Variants in ARHGAP15 observed in about 807,000 individuals in gnomAD.
The protein encoded by ARHGAP15 is rho GTPase-activating protein 15.
Under a neutral mutation model 63.7 loss-of-function variants are expected in ARHGAP15, and 51 were observed. The observed-to-expected ratio is 0.80, with a 90% confidence interval of 0.64 to 1.01. ARHGAP15 has a LOEUF of 1.01. Ranked by LOEUF, ARHGAP15 falls within the 50% of genes least tolerant of loss-of-function variation. The pLI is 0.00. For synonymous variants in ARHGAP15, 191 were observed against 193.8 expected, an observed-to-expected ratio of 0.99 and a Z score of 0.12; for missense variants, 560 against 564.6, an observed-to-expected ratio of 0.99 and a Z score of 0.08.
intron 8 of ARHGAP15, among the ~76,000 whole-genome samples, chr2:143,445,597 T>G (rs184030185): frequency 9.9e-5 from 15 of 152,270 alleles, no homozygotes; most frequent in Admixed American, 9.8e-4. Context: ...CCATAATTTA[T>G]GTTCCAGGTA....
chr2:143,570,423 A>C (rs1696405035), intron 11 of ARHGAP15, among the ~76,000 whole-genome samples: 1 of 152,226 alleles, frequency 6.6e-6, no homozygotes, highest in Admixed American at 6.5e-5. Flanking sequence ...TTATCTACTC[A>C]ACACACTAAA....
chr2:143,512,337 G>A (rs1316619979), intron 9 of ARHGAP15, among the ~76,000 whole-genome samples: 2 of 152,152 alleles, frequency 1.3e-5, no homozygotes, highest in Non-Finnish European at 2.9e-5. Context: ...AATTACTGTG[G>A]CCAAGAAGAT....
In ARHGAP15 at chr2:143,709,301, G is replaced by A. The variant is rs1574870340; in HGVS notation, c.1244+5777G>A. ...GAACTTTTATGTACACATTATGCAT[G>A]CACACATTACTCAGAGAAAATAAAA... On this transcript the variant is annotated intron_variant, in intron 13 of 13. Transcript: ENST00000295095. Among the ~76,000 whole-genome samples the A allele has an allele frequency of 2.6e-5, 4 of 152,278 alleles. No individual in the cohort carries two copies. The South Asian group carries it at 8.3e-4, about 32-fold the overall frequency.
intron 11 of ARHGAP15, among the ~76,000 whole-genome samples, chr2:143,579,108 G>T (rs1446207000): frequency 6.6e-6 from 1 of 152,092 alleles, no homozygotes; most frequent in Non-Finnish European, 1.5e-5. Context: ...TAAGGCAAAT[G>T]CTGTAAGATG....
chr2:143,637,622 G>A (rs542537048), intron 12 of ARHGAP15, among the ~76,000 whole-genome samples: 15 of 151,748 alleles, frequency 9.9e-5, no homozygotes, highest in South Asian at 2.1e-4. Context: ...CCATATTTAC[G>A]TCCTCAAATA....
intron 6 of ARHGAP15, among the ~76,000 whole-genome samples, chr2:143,269,259 T>A (rs1681151433): frequency 6.6e-6 from 1 of 152,102 alleles, no homozygotes; most frequent in South Asian, 2.1e-4. Flanking sequence ...AGATATAGAT[T>A]TAGGGATTTT....
At chr2:143,638,717 A>G (rs1680465061) in intron 12 of ARHGAP15, among the ~76,000 whole-genome samples, 1 of 150,646 alleles carries the variant, frequency 6.6e-6, no homozygotes, top group Admixed American at 6.6e-5. Flanking sequence ...GAGAAGAGAC[A>G]TTCCAAATTT....
At chr2:143,357,995 C>A (rs1175193754) in intron 6 of ARHGAP15, among the ~76,000 whole-genome samples, 1 of 152,106 alleles carries the variant, frequency 6.6e-6, no homozygotes, top group Non-Finnish European at 1.5e-5. Flanking sequence ...ATTTTGTTTT[C>A]ATTTTGGTAT....
chr2:143,512,950 G>A (rs544366651), intron 9 of ARHGAP15, among the ~76,000 whole-genome samples: 1 of 152,222 alleles, frequency 6.6e-6, no homozygotes, highest in Non-Finnish European at 1.5e-5. Context: ...AACCACCTCA[G>A]TCTCTCAGTA....
chr2:143,537,138 G>A (rs1285408368), intron 10 of ARHGAP15, among the ~76,000 whole-genome samples: 3 of 152,174 alleles, frequency 2.0e-5, no homozygotes, highest in Non-Finnish European at 4.4e-5. Flanking sequence ...GTGATGATGA[G>A]CATTTTTTCA....
chr2:143,619,123 C>T (rs545902350), intron 11 of ARHGAP15, among the ~76,000 whole-genome samples: 10 of 152,098 alleles, frequency 6.6e-5, no homozygotes, highest in South Asian at 4.1e-4. Flanking sequence ...AGTAATTAAA[C>T]TCTTAATGAT....
chr2:143,261,658 G>A (rs902474509), intron 6 of ARHGAP15, among the ~76,000 whole-genome samples: 28 of 151,858 alleles, frequency 1.8e-4, no homozygotes, highest in African/African-American at 3.4e-4. Context: ...GACCCTTTTC[G>A]TTCATAGGAA....
At chr2:143,447,340 T>C (rs1035055192) in intron 8 of ARHGAP15, among the ~76,000 whole-genome samples, 1 of 152,208 alleles carries the variant, frequency 6.6e-6, no homozygotes, top group African/African-American at 2.4e-5. Context: ...CATCTGGTGA[T>C]AAAAAGATGG....
chr2:143,644,493 T>A (rs1680771309), intron 12 of ARHGAP15, among the ~76,000 whole-genome samples: 1 of 152,082 alleles, frequency 6.6e-6, no homozygotes, highest in Non-Finnish European at 1.5e-5. Context: ...GAGAACTTCC[T>A]GCTTCTGAGG....
intron 6 of ARHGAP15, among the ~76,000 whole-genome samples, chr2:143,271,977 T>G (rs1476779351): frequency 6.6e-6 from 1 of 152,252 alleles, no homozygotes; most frequent in East Asian, 1.9e-4. Context: ...TGTAGTTCTT[T>G]TTTTACTTGG....
Position 143,330,133 on chromosome 2 carries a change from C to CAAAAAAAAAAAAAAAAAAAAAAAA in ARHGAP15, c.474+79538_474+79539insAAAAAAAAAAAAAAAAAAAAAAAA, listed in dbSNP as rs1558898102. On this transcript the variant is annotated intron_variant, in intron 6 of 13. Transcript: ENST00000295095. The stretch of plus-strand genomic sequence containing the variant: ...AAAAAAAAAAAAAAAAAAAAAAAAC[C>CAAAAAAAAAAAAAAAAAAAAAAAA]AAAAACAAAAAACTAAACTAATGAT... 2.6e-3 allele frequency among the ~76,000 whole-genome samples: 97 copies of CAAAAAAAAAAAAAAAAAAAAAAAA among 37,342 alleles called. 16 individuals carry two copies. The highest frequency in any genetic ancestry group is 3.6e-3 in the Non-Finnish European group (69 of 19,152). The allele number at this position is 37,342 out of a possible 152,430, so 24.5% of individuals were successfully genotyped here.
intron 10 of ARHGAP15, among the ~76,000 whole-genome samples, chr2:143,547,589 A>G (rs973842332): frequency 6.6e-6 from 1 of 151,996 alleles, no homozygotes; most frequent in East Asian, 1.9e-4. Flanking sequence ...AATTGGTTAG[A>G]TATTGTGGCA....
intron 13 of ARHGAP15, among the ~76,000 whole-genome samples, chr2:143,728,501 G>A (rs760591536): frequency 7.9e-5 from 12 of 152,098 alleles, no homozygotes; most frequent in East Asian, 1.9e-4. Context: ...GACATGCCCC[G>A]TACCAATGAT....
At chr2:143,412,744 CA>C (rs34471147) in intron 6 of ARHGAP15, among the ~76,000 whole-genome samples, 103,012 of 151,802 alleles carry the variant, frequency 0.68, 35,320 homozygotes, top group Admixed American at 0.78. Context: ...AGTTCTCAGC[CA>C]TTAGGTTTAA....
Sources: allele counts gnomAD v4.1 joint callset (sites outside exome capture counted in the v4.1 genomes callset), GRCh38; gene constraint gnomAD v4.1.1; transcripts MANE v1.5; gene names NCBI Gene and HGNC (gene_info 2026-07-23, HGNC 2026-07-21).